CRKL: variants seen among roughly 807,000 people sequenced by gnomAD.
CRKL encodes the protein CRK like proto-oncogene, adaptor protein.
Under a neutral mutation model 23.0 loss-of-function variants are expected in CRKL, and 3 were observed. That is an observed-to-expected ratio of 0.13 (90% CI 0.06 to 0.34). The LOEUF (loss-of-function observed/expected upper bound fraction) is 0.34. CRKL is among the 10% of genes least tolerant of loss of function. CRKL has a pLI of 1.00. For synonymous variants in CRKL, 188 were observed against 160.7 expected (o/e 1.17, Z -1.28); for missense variants, 256 against 394.5 (o/e 0.65, Z 2.97).
chr22:20,948,017 C>T (rs957397063), intron 2 of CRKL, among the ~76,000 whole-genome samples: 1 of 152,138 alleles, frequency 6.6e-6, no homozygotes, highest in Non-Finnish European at 1.5e-5. Context: ...TATTATCTGA[C>T]AAAGATTCAT....
chr22:20,920,715 T>G (rs934869152), intron 1 of CRKL, among the ~76,000 whole-genome samples: 3 of 152,092 alleles, frequency 2.0e-5, no homozygotes, highest in Admixed American at 2.0e-4. Flanking sequence ...TAGCCATCCT[T>G]CCTTACTCAT....
rs1219233460 is a variant in CRKL, at chr22:20,951,407, G to A, written c.*1562G>A. The A allele has an allele frequency of 1.7e-5, 4 of 230,604 alleles. No homozygotes were observed. In the East Asian group the frequency reaches 1.8e-4, roughly 11 times the overall value. The allele number at this position is 230,604 out of a possible 1,614,324, so 14.3% of individuals were successfully genotyped here. A position where few individuals can be genotyped will look rare whatever the true frequency, so the allele number is the denominator to read the frequency against. On this transcript the variant is annotated 3_prime_UTR_variant, in exon 3 of 3. Transcript: ENST00000354336. ...CACTTATCAGTGTATTGATGTTAAAGCATTTCCCTGTTAGCTAAAAGAGGC... is the reference window on the plus strand; with the variant it reads ...CACTTATCAGTGTATTGATGTTAAAACATTTCCCTGTTAGCTAAAAGAGGC...
chr22:20,930,496 C>T (rs1042550017), intron 1 of CRKL, among the ~76,000 whole-genome samples: 11 of 152,162 alleles, frequency 7.2e-5, no homozygotes, highest in African/African-American at 1.9e-4. Flanking sequence ...TCTCTTCCCT[C>T]GGCCTCCCAA....
At chr22:20,943,787 G>A (rs1921960053) in intron 2 of CRKL, among the ~76,000 whole-genome samples, 1 of 151,952 alleles carries the variant, frequency 6.6e-6, no homozygotes, top group Non-Finnish European at 1.5e-5. Flanking sequence ...GAGCCTAGGA[G>A]TTGAAGATCA....
At chr22:20,927,899 T>C (rs1921289824) in intron 1 of CRKL, among the ~76,000 whole-genome samples, 1 of 139,698 alleles carries the variant, frequency 7.2e-6, no homozygotes, top group Non-Finnish European at 1.5e-5. Flanking sequence ...CGTTGGCTCA[T>C]GTCTGTAATC....
At chr22:20,947,444 T>C (rs184838397) in intron 2 of CRKL, among the ~76,000 whole-genome samples, 1 of 151,908 alleles carries the variant, frequency 6.6e-6, no homozygotes, top group South Asian at 2.1e-4. Flanking sequence ...GTGATTCTCC[T>C]GCGTCAGCCT....
intron 2 of CRKL, among the ~76,000 whole-genome samples, chr22:20,941,533 A>ATATATATTTTTTTTTTTTTTTTTTTTT (rs1366602124): frequency 1.0e-5 from 1 of 97,692 alleles, no homozygotes; most frequent in African/African-American, 3.9e-5. Flanking sequence ...ATATATATAT[A>ATATATATTTTTTTTTTTTTTTTTTTTT]TTTTATGTGT....
Position 20,934,118 on chromosome 22 carries a change from T to C in CRKL, c.651T>C (p.Pro217=), listed in dbSNP as rs752340785. ...AACCTCAGACCACAACTCCTCTACCTGCAGTTTCCGGTTCTCCTGGGGCAG... is the reference window on the plus strand; with the variant it reads ...AACCTCAGACCACAACTCCTCTACCCGCAGTTTCCGGTTCTCCTGGGGCAG... ...YAQPQTTTPL[P]AVSGSPGAAI... Residue 217 remains proline, a synonymous_variant, in exon 2 of 3, where the codon CCT becomes CCC. Coordinates refer to ENST00000354336, the MANE Select transcript of CRKL (RefSeq NM_005207.4). 4 of 1,614,200 alleles carry C rather than the reference T, an allele frequency of 2.5e-6. No homozygotes were observed. In the South Asian group the frequency reaches 4.4e-5, roughly 18 times the overall value.
At position 20,917,819 on chromosome 22, in the gene CRKL, C is replaced by T. The variant is rs1180903526; in HGVS notation, c.-116C>T. Reference sequence around the variant, plus strand: ...TGCTGGCCCAGCCCTCTGAGCGCTCCTCGAGGTGTGCGAGAGGCCCTTCCT... The same window carrying T: ...TGCTGGCCCAGCCCTCTGAGCGCTCTTCGAGGTGTGCGAGAGGCCCTTCCT... On this transcript the variant is annotated 5_prime_UTR_variant, in exon 1 of 3. Coordinates refer to ENST00000354336, the MANE Select transcript of CRKL (RefSeq NM_005207.4). 2 of 1,019,760 alleles carry T rather than the reference C, an allele frequency of 2.0e-6. No individual in the cohort carries two copies. The highest frequency in any genetic ancestry group is 2.8e-6 in the Non-Finnish European group (2 of 709,902). 63.2% of individuals were successfully genotyped at this position (1,019,760 alleles called of 1,614,324 possible). A position where few individuals can be genotyped will look rare whatever the true frequency, so the allele number is the denominator to read the frequency against.
At position 20,917,427 on chromosome 22, in the gene CRKL, G is replaced by C. The variant is rs1478222835; in HGVS notation, c.-508G>C. 1 of 224,000 alleles carries C rather than the reference G, an allele frequency of 4.5e-6. No homozygotes were observed. The highest frequency in any genetic ancestry group is 8.9e-6 in the Non-Finnish European group (1 of 111,990). 13.9% of individuals were successfully genotyped at this position (224,000 alleles called of 1,614,324 possible). Reference sequence around the variant, plus strand: ...CGTGCGCAGACGGAGCGCGCTGAGCGGAGGGGGAGGTGGCTGCCGCTTCTC... The same window carrying C: ...CGTGCGCAGACGGAGCGCGCTGAGCCGAGGGGGAGGTGGCTGCCGCTTCTC... On this transcript the variant is annotated 5_prime_UTR_variant, in exon 1 of 3. Transcript: ENST00000354336.
intron 1 of CRKL, among the ~76,000 whole-genome samples, chr22:20,924,982 G>T (rs1921142312): frequency 6.6e-6 from 1 of 151,782 alleles, no homozygotes; most frequent in African/African-American, 2.4e-5. Context: ...GAGGTCAGGA[G>T]ATCAAGACCA....
intron 2 of CRKL, among the ~76,000 whole-genome samples, chr22:20,945,407 C>T (rs137999003): frequency 1.3e-5 from 2 of 152,082 alleles, no homozygotes; most frequent in African/African-American, 2.4e-5. Context: ...TATATATGAT[C>T]GTGTCTTGAC....
In CRKL at chr22:20,917,416, G is replaced by C. The variant is rs1929729240; in HGVS notation, c.-519G>C. 4.5e-6 allele frequency: 1 copy of C among 221,128 alleles called. No homozygotes were observed. The highest frequency in any genetic ancestry group is 2.2e-5 in the African/African-American group (1 of 44,602). The allele number at this position is 221,128 out of a possible 1,614,324, so 13.7% of individuals were successfully genotyped here. On this transcript the variant is annotated 5_prime_UTR_variant, in exon 1 of 3. Coordinates refer to ENST00000354336, the MANE Select transcript of CRKL (RefSeq NM_005207.4). The stretch of plus-strand genomic sequence containing the variant: ...GGGGCCCAGCGCGTGCGCAGACGGA[G>C]CGCGCTGAGCGGAGGGGGAGGTGGC...
intron 1 of CRKL, among the ~76,000 whole-genome samples, chr22:20,924,238 A>G (rs1336105966): frequency 6.6e-6 from 1 of 152,128 alleles, no homozygotes. Flanking sequence ...AATATATTTA[A>G]TCTCCATGCA....
rs183479700 is a variant in CRKL at position 20,950,444 on chromosome 22, C to T, written c.*599C>T. Reference sequence around the variant, plus strand: ...GTTTTGTTTTTTTGAGACGGTGTCTCGCTGCATCACCCAGGCTGGAGTGCA... The same window carrying T: ...GTTTTGTTTTTTTGAGACGGTGTCTTGCTGCATCACCCAGGCTGGAGTGCA... On this transcript the variant is annotated 3_prime_UTR_variant, in exon 3 of 3. Coordinates refer to ENST00000354336, the MANE Select transcript of CRKL (RefSeq NM_005207.4). 208 of 231,328 alleles carry T rather than the reference C, an allele frequency of 9.0e-4. 1 individual carries two copies. Among genetic ancestry groups the T allele is most frequent in the African/African-American group, 4.3e-3 (196 of 45,078 alleles). 14.3% of individuals were successfully genotyped at this position (231,328 alleles called of 1,614,324 possible).
chr22:20,940,212 C>T (rs369736587), intron 2 of CRKL, among the ~76,000 whole-genome samples: 1 of 152,024 alleles, frequency 6.6e-6, no homozygotes, highest in Non-Finnish European at 1.5e-5. Flanking sequence ...TGCAGCCTCT[C>T]CAGATCTGCC....
intron 2 of CRKL, among the ~76,000 whole-genome samples, chr22:20,935,817 C>G (rs1390482827): frequency 6.6e-6 from 1 of 152,078 alleles, no homozygotes; most frequent in African/African-American, 2.4e-5. Flanking sequence ...ATCCACTGCA[C>G]TTGGCCAAGT....
chr22:20,923,550 T>G (rs78653005), intron 1 of CRKL, among the ~76,000 whole-genome samples: 2,147 of 150,924 alleles, frequency 0.014, 53 homozygotes, highest in African/African-American at 0.049. Flanking sequence ...GTGCTGGGAT[T>G]ACAGTTATGA....
Position 20,950,015 on chromosome 22 carries a change from A to G in CRKL, c.*170A>G. The G allele has an allele frequency of 6.2e-6, 5 of 809,684 alleles. No homozygotes were observed. The highest frequency in any genetic ancestry group is 7.5e-6 in the Non-Finnish European group (4 of 535,684). 50.2% of individuals were successfully genotyped at this position (809,684 alleles called of 1,614,324 possible). On this transcript the variant is annotated 3_prime_UTR_variant, in exon 3 of 3. Coordinates refer to ENST00000354336, the MANE Select transcript of CRKL (RefSeq NM_005207.4). ...GAATGCACACAGCGGCTGCCTCCTG[A>G]TGTTTGTATCATAGTCGTATTGTCA...
Sources: allele counts gnomAD v4.1 joint callset (sites outside exome capture counted in the v4.1 genomes callset), GRCh38; gene constraint gnomAD v4.1.1; transcripts MANE v1.5; gene names NCBI Gene and HGNC (gene_info 2026-07-23, HGNC 2026-07-21).